The following PCDHA1 variants were observed in gnomAD, a reference collection of about 807,000 sequenced individuals.
The protein encoded by PCDHA1 is protocadherin alpha-1.
Under a neutral mutation model 61.3 loss-of-function variants are expected in PCDHA1, and 42 were observed. The ratio of observed to expected loss-of-function variants is 0.69; its 90% CI spans 0.54 to 0.89. The LOEUF (loss-of-function observed/expected upper bound fraction) is 0.89. PCDHA1 is among the 40% of genes least tolerant of loss of function. PCDHA1 has a pLI of 0.00. For missense variants in PCDHA1, 1,256 were observed against 1,235.3 expected, an observed-to-expected ratio of 1.02 and a Z score of -0.25; for synonymous variants, 610 against 553.8, an observed-to-expected ratio of 1.10 and a Z score of -1.43.
chr5:140,901,466 C>T (rs782517412), intron 1 of PCDHA1, among the ~76,000 whole-genome samples: 3 of 152,062 alleles, frequency 2.0e-5, no homozygotes, highest in Admixed American at 6.5e-5. Flanking sequence ...TGTCTTTTCT[C>T]GAGTTTATGT....
chr5:140,928,863 C>T (rs1554206433), intron 1 of PCDHA1: 8 of 1,614,172 alleles, frequency 5.0e-6, no homozygotes, highest in Middle Eastern at 1.7e-4. Context: ...TGCTGTTGAG[C>T]AACTCTGTCC....
At chr5:140,832,784 G>A (rs1414101798) in intron 1 of PCDHA1, among the ~76,000 whole-genome samples, 1 of 152,146 alleles carries the variant, frequency 6.6e-6, no homozygotes, top group African/African-American at 2.4e-5. Context: ...TGCTAGAAAG[G>A]TACATCATAG....
chr5:140,826,566 G>A (rs1423403318), intron 1 of PCDHA1, among the ~76,000 whole-genome samples: 2 of 152,130 alleles, frequency 1.3e-5, no homozygotes, highest in Non-Finnish European at 2.9e-5. Context: ...TGAAGGAGGG[G>A]TTTAATCACT....
intron 1 of PCDHA1, among the ~76,000 whole-genome samples, chr5:140,962,132 C>A (rs1018234897): frequency 3.3e-5 from 5 of 152,104 alleles, no homozygotes; most frequent in Admixed American, 3.3e-4. Flanking sequence ...GCCTCGGCCT[C>A]CCAAAGTGCT....
chr5:140,853,847 G>T, intron 1 of PCDHA1: 1 of 986,430 alleles, frequency 1.0e-6, no homozygotes, highest in Non-Finnish European at 1.2e-6. Flanking sequence ...TAGATCCATA[G>T]CCCTATTTGA....
At chr5:140,968,190 C>A (rs782155295) in intron 1 of PCDHA1, 2 of 1,613,954 alleles carry the variant, frequency 1.2e-6, no homozygotes, top group African/African-American at 2.7e-5. Flanking sequence ...GACTCCTATT[C>A]CATCTACATA....
In PCDHA1 at chr5:140,985,961, A is replaced by G. The variant is rs529433053; in HGVS notation, c.2542+3398A>G. ...TCACTGTGTTAGCCAGGATGGTCTCAATCTCCTGACCTCGTGATCCGCCCA... is the reference window on the plus strand; with the variant it reads ...TCACTGTGTTAGCCAGGATGGTCTCGATCTCCTGACCTCGTGATCCGCCCA... On this transcript the variant is annotated intron_variant, in intron 3 of 3. Transcript: ENST00000504120. 9.3e-3 allele frequency among the ~76,000 whole-genome samples: 1,411 copies of G among 151,982 alleles called. 12 individuals carry two copies. Among genetic ancestry groups the G allele is most frequent in the Non-Finnish European group, 0.015 (1,024 of 67,944 alleles).
chr5:140,917,329 G>GC (rs1563018868), intron 1 of PCDHA1, among the ~76,000 whole-genome samples: 1 of 143,930 alleles, frequency 6.9e-6, no homozygotes, highest in Non-Finnish European at 1.5e-5. Flanking sequence ...TGTGGCGGGG[G>GC]AGGGGGGGGA....
In PCDHA1 at chr5:140,950,041, A is replaced by G. The variant is rs139296187; in HGVS notation, c.2395-28908A>G. Among the ~76,000 whole-genome samples, 1,151 of 152,070 alleles carry G rather than the reference A, an allele frequency of 7.6e-3. 13 individuals carry two copies. The highest frequency in any genetic ancestry group is 0.01 in the Non-Finnish European group (711 of 67,812). On this transcript the variant is annotated intron_variant, in intron 1 of 3. Transcript: ENST00000504120. ...CATAAAATATAGAAAAGTTACAACC[A>G]TATAAGACTATTTAGCTCTTCCTGT... is the stretch of plus-strand genomic sequence containing the variant.
At position 140,835,641 on chromosome 5, in the gene PCDHA1, G is replaced by A. The variant is rs2150240486; in HGVS notation, c.2394+46957G>A. ...CGCTCTGGACCGCGAGAGTGTGTCC[G>A]CCTATGAGCTGGTGGTTACCGCGCG... On this transcript the variant is annotated intron_variant, in intron 1 of 3. Transcript: ENST00000504120. 5.0e-6 allele frequency: 8 copies of A among 1,613,912 alleles called. No homozygotes were observed. In the South Asian group the frequency reaches 7.7e-5, roughly 16 times the overall value.
chr5:140,945,425 G>T (rs246059), intron 1 of PCDHA1, among the ~76,000 whole-genome samples: 85,681 of 151,722 alleles, frequency 0.56, 24,785 homozygotes, highest in African/African-American at 0.69. Flanking sequence ...TTTCAATGAA[G>T]TTTTTACAGA....
chr5:140,883,289 C>T, intron 1 of PCDHA1: 2 of 1,614,022 alleles, frequency 1.2e-6, no homozygotes, highest in African/African-American at 1.3e-5. Context: ...GGTGGAAGTA[C>T]TAGATGTAAA....
intron 1 of PCDHA1, among the ~76,000 whole-genome samples, chr5:140,925,526 C>T (rs2153578026): frequency 6.6e-6 from 1 of 152,028 alleles, no homozygotes; most frequent in Non-Finnish European, 1.5e-5. Flanking sequence ...AAATTAAAAG[C>T]GAGGAGAAAT....
intron 1 of PCDHA1, among the ~76,000 whole-genome samples, chr5:140,897,593 G>A (rs1185165472): frequency 6.6e-6 from 1 of 152,014 alleles, no homozygotes; most frequent in Non-Finnish European, 1.5e-5. Context: ...TGTCATTGTT[G>A]GACATTTGGG....
chr5:140,805,152 T>C, intron 1 of PCDHA1: 1 of 1,561,178 alleles, frequency 6.4e-7, no homozygotes, highest in Non-Finnish European at 8.6e-7. Context: ...TTTGGAATTT[T>C]CACTTCACAG....
rs1230659356 is a variant in PCDHA1, at chr5:140,825,430, T to G, written c.2394+36746T>G. 4 of 147,522 alleles carry G rather than the reference T, an allele frequency of 2.7e-5. No homozygotes were observed. In the East Asian group the frequency reaches 7.8e-4, roughly 29 times the overall value. The allele number at this position is 147,522 out of a possible 1,614,324, so 9.1% of individuals were successfully genotyped here. ...TATTTTATATAATATATATAATAAA[T>G]ATATAATAATAATATATATCAGATA... On this transcript the variant is annotated intron_variant, in intron 1 of 3. Transcript: ENST00000504120.
At chr5:140,794,607 T>C (rs541115483) in intron 1 of PCDHA1, among the ~76,000 whole-genome samples, 1 of 152,236 alleles carries the variant, frequency 6.6e-6, no homozygotes, top group Non-Finnish European at 1.5e-5. Flanking sequence ...ATAGTTAATA[T>C]GGTAATTTTA....
At chr5:140,911,051 G>C (rs566300992) in intron 1 of PCDHA1, among the ~76,000 whole-genome samples, 1 of 152,100 alleles carries the variant, frequency 6.6e-6, no homozygotes, top group East Asian at 1.9e-4. Flanking sequence ...CAGGGGTGGT[G>C]GGGGGTGGGT....
At chr5:140,910,911 T>G (rs1326687303) in intron 1 of PCDHA1, among the ~76,000 whole-genome samples, 1 of 152,170 alleles carries the variant, frequency 6.6e-6, no homozygotes, top group African/African-American at 2.4e-5. Context: ...CCTCCAGATT[T>G]TTGCTTATAT....
Sources: allele counts gnomAD v4.1 joint callset (sites outside exome capture counted in the v4.1 genomes callset), GRCh38; gene constraint gnomAD v4.1.1; transcripts MANE v1.5; gene names NCBI Gene and HGNC (gene_info 2026-07-23, HGNC 2026-07-21).